Variants in HMGCL observed in about 807,000 individuals in gnomAD.
HMGCL encodes hydroxymethylglutaryl-CoA lyase, mitochondrial.
HMGCL carries 26 observed loss-of-function variants against 37.3 expected under a neutral mutation model. The ratio of observed to expected loss-of-function variants is 0.70; its 90% CI spans 0.51 to 0.97. The LOEUF is 0.97. HMGCL is among the 50% of genes least tolerant of loss of function. The pLI, the probability that HMGCL is intolerant of heterozygous loss-of-function variation, is 0.00. For synonymous variants in HMGCL, 151 were observed against 148.0 expected, an observed-to-expected ratio of 1.02 and a Z score of -0.15; for missense variants, 379 against 398.1, an observed-to-expected ratio of 0.95 and a Z score of 0.41.
chr1:23,804,311 A>G (rs1250293214), intron 8 of HMGCL, 89 bp downstream of exon 8: 1 of 1,529,506 alleles, frequency 6.5e-7, no homozygotes, highest in Non-Finnish European at 9.0e-7. Context: ...CACCTTAACA[A>G]CCCCAAATAC....
chr1:23,809,413 T>C (rs1235291322), intron 6 of HMGCL: 1 of 151,468 alleles, frequency 6.6e-6, no homozygotes. Flanking sequence ...TAATTTTTTG[T>C]ATTTTTAGTA....
intron 5 of HMGCL, among the ~76,000 whole-genome samples, chr1:23,811,796 A>G (rs947972424): frequency 1.3e-5 from 2 of 152,216 alleles, no homozygotes; most frequent in South Asian, 2.1e-4. Flanking sequence ...GGTGACTTCT[A>G]TTCCCACCTG....
intron 5 of HMGCL, among the ~76,000 whole-genome samples, chr1:23,813,260 A>AGTT (rs1638554725): frequency 6.9e-5 from 5 of 72,946 alleles, no homozygotes; most frequent in African/African-American, 2.7e-4. Context: ...TTTGAGATGG[A>AGTT]GTTTTGCTCT....
intron 6 of HMGCL, chr1:23,809,689 CT>C (rs1474086151): frequency 6.6e-6 from 1 of 152,134 alleles, no homozygotes; most frequent in Non-Finnish European, 1.5e-5. Flanking sequence ...GGGTGGGCCC[CT>C]AATCCCATAC....
intron 4 of HMGCL, among the ~76,000 whole-genome samples, chr1:23,814,956 A>T (rs12083298): frequency 1 from 152,120 of 152,140 alleles, 76,050 homozygotes; most frequent in Middle Eastern, 1. Context: ...GCTTGTAATC[A>T]CAGCACTTTG....
intron 8 of HMGCL, chr1:23,804,031 C>T (rs748920879): frequency 2.7e-5 from 7 of 259,714 alleles, no homozygotes; most frequent in South Asian, 4.4e-5. Flanking sequence ...TATGCCCATG[C>T]GTGTGGCCTC....
chr1:23,821,050 A>T (rs1193347343), intron 1 of HMGCL, among the ~76,000 whole-genome samples: 1 of 152,176 alleles, frequency 6.6e-6, no homozygotes, highest in African/African-American at 2.4e-5. Context: ...TGTATGTTAG[A>T]AGTAGTTTAA....
At chr1:23,810,637 G>C in intron 6 of HMGCL, 99 bp downstream of exon 6, 1 of 994,048 alleles carries the variant, frequency 1.0e-6, no homozygotes, top group Non-Finnish European at 1.6e-6. Context: ...AATGAAGTCA[G>C]GAACCTGCCA....
chr1:23,802,264 G>A lies in HMGCL; in HGVS notation c.*199C>T. Reference sequence around the variant, plus strand: ...AGCCCTCAAAGCCTCTCACTCCTCAGGTCTGGGCAGGAGGTCCTTCTGCCA... The same window carrying A: ...AGCCCTCAAAGCCTCTCACTCCTCAAGTCTGGGCAGGAGGTCCTTCTGCCA... On this transcript the variant is annotated 3_prime_UTR_variant, in exon 9 of 9. Coordinates refer to ENST00000374490, the MANE Select transcript of HMGCL (RefSeq NM_000191.3). 1.6e-6 allele frequency: 1 copy of A among 619,774 alleles called. No homozygotes were observed. The highest frequency in any genetic ancestry group is 2.9e-6 in the Non-Finnish European group (1 of 347,684). 38.4% of individuals were successfully genotyped at this position (619,774 alleles called of 1,614,324 possible).
intron 6 of HMGCL, among the ~76,000 whole-genome samples, chr1:23,808,742 CTTTTTTTT>C (rs56215335): frequency 9.6e-6 from 1 of 104,272 alleles, no homozygotes; most frequent in Non-Finnish European, 1.9e-5. Context: ...TATTTTTTTT[CTTTTTTTT>C]TTTTTTTTTT....
Position 23,806,178 on chromosome 1 carries a change from C to G in HMGCL, c.751-1653G>C. On this transcript the variant is annotated intron_variant, in intron 7 of 8. Transcript: ENST00000374490. This position sits in a 1 kb window ranked among gnomAD's most constrained non-coding sequence, Gnocchi z 4.0. ...TGTTGGCCAGGCTGGTCTCAAAACT[C>G]CTGACCTCAAGTGATCCACCTGCCT... 6.6e-6 allele frequency among the ~76,000 whole-genome samples: 1 copy of G among 152,178 alleles called. No homozygotes were observed. The highest frequency in any genetic ancestry group is 1.5e-5 in the Non-Finnish European group (1 of 68,032).
chr1:23,825,208 G>C, intron 1 of HMGCL, 148 bp downstream of exon 1: 1 of 673,950 alleles, frequency 1.5e-6, no homozygotes, highest in East Asian at 2.7e-5. Context: ...GGGGAAAAGG[G>C]AGGGTCCAGG....
In HMGCL at chr1:23,808,222, G is replaced by T; in HGVS notation, c.663C>A (p.Val221=). The change falls in exon 7 of 9, where the codon GTC becomes GTA. Residue 221 remains valine (V), a synonymous_variant. Transcript: ENST00000374490. ...PGIMKDMLSA[V]MQEVPLAALA... is the part of the protein sequence containing the mutation. ...GGGCAGCCAGAGGCACTTCCTGCAT[G>T]ACAGCAGATAGCATGTCTTTCATGA... 6.2e-7 allele frequency: 1 copy of T among 1,613,990 alleles called. No homozygotes were observed. Among genetic ancestry groups the T allele is most frequent in the Non-Finnish European group, 8.5e-7 (1 of 1,179,912 alleles).
intron 1 of HMGCL, among the ~76,000 whole-genome samples, chr1:23,822,302 G>A (rs1469353539): frequency 6.6e-6 from 1 of 152,090 alleles, no homozygotes; most frequent in African/African-American, 2.4e-5. Flanking sequence ...CTAAGGGGAG[G>A]TGACACCCCC....
intron 6 of HMGCL, chr1:23,809,240 T>TATATATATATATATATATA (rs56844404): frequency 2.4e-5 from 2 of 82,540 alleles, no homozygotes; most frequent in African/African-American, 1.1e-4. Flanking sequence ...ATATATATAT[T>TATATATATATATATATATA]TTTTTTTTTT....
At chr1:23,813,708 C>T (rs1638563526) in intron 5 of HMGCL, 1 of 200,502 alleles carries the variant, frequency 5.0e-6, no homozygotes, top group African/African-American at 2.3e-5. Context: ...AGATAATACA[C>T]ACACAATGCC....
rs1638361298 is a variant in HMGCL, at chr1:23,804,380, CA to C, written c.876+19del. On this transcript the variant is annotated intron_variant, in intron 8 of 8. Coordinates refer to ENST00000374490, the MANE Select transcript of HMGCL (RefSeq NM_000191.3). The stretch of plus-strand genomic sequence containing the variant: ...CTGGTCAGTTCGGGGCTGTCGCCAC[CA>C]GGGGGTGGGTGGGCTTACCGTGTGA... 5.6e-6 allele frequency: 9 copies of C among 1,614,068 alleles called. No homozygotes were observed. The highest frequency in any genetic ancestry group is 7.6e-6 in the Non-Finnish European group (9 of 1,180,000).
At position 23,808,279 on chromosome 1, in the gene HMGCL, C is replaced by T. The variant is rs1638449812; in HGVS notation, c.606G>A (p.Leu202=). The T allele has an allele frequency of 6.2e-7, 1 of 1,614,066 alleles. No homozygotes were observed. The highest frequency in any genetic ancestry group is 2.2e-5 in the East Asian group (1 of 44,880). Residue 202 remains leucine (L), a synonymous_variant, in exon 7 of 9, where the codon CTG becomes CTA. Coordinates refer to ENST00000374490, the MANE Select transcript of HMGCL (RefSeq NM_000191.3). Reference sequence around the variant, plus strand: ...GGGTGCCCACACCAATGGTGTCCCCCAGGGAGATCTCGTAGCAGCCCATTG... The same window carrying T: ...GGGTGCCCACACCAATGGTGTCCCCTAGGGAGATCTCGTAGCAGCCCATTG... ...FYSMGCYEIS[L]GDTIGVGTPG... is the part of the protein sequence containing the mutation.
chr1:23,811,233 G>A (rs1486387163), intron 5 of HMGCL, among the ~76,000 whole-genome samples: 1 of 152,182 alleles, frequency 6.6e-6, no homozygotes, highest in Non-Finnish European at 1.5e-5. Context: ...TCAGTAACAG[G>A]CTGGGCTGGC....
Sources: gnomAD v4.1 joint callset for allele counts (sites outside exome capture counted in the v4.1 genomes callset) on GRCh38, gnomAD v4.1.1 for gene constraint, Gnocchi (gnomAD v3.1) non-coding constraint, MANE v1.5 for transcripts, NCBI Gene and HGNC (gene_info 2026-07-23, HGNC 2026-07-21) for gene names.